Variants in UGT1A7 observed in about 807,000 individuals in gnomAD.
UGT1A7 encodes UDP-glucuronosyltransferase 1A7.
UGT1A7 carries 33 observed loss-of-function variants against 45.6 expected under a neutral mutation model. The ratio of observed to expected loss-of-function variants is 0.72; its 90% CI spans 0.55 to 0.97. The LOEUF (loss-of-function observed/expected upper bound fraction) is 0.97, where lower values mean the gene tolerates loss of function less well. Among genes scored for constraint, UGT1A7 ranks in the 50% least tolerant of loss-of-function variants. The probability of loss-of-function intolerance (pLI) is 0.00; values close to 1 mark genes in which losing one functional copy is unlikely to be tolerated. For synonymous variants in UGT1A7, 274 were observed against 250.6 expected, an observed-to-expected ratio of 1.09 and a Z score of -0.88; for missense variants, 684 against 666.2, an observed-to-expected ratio of 1.03 and a Z score of -0.29.
At chr2:233,683,006 T>C (rs1231336803) in intron 1 of UGT1A7, among the ~76,000 whole-genome samples, 1 of 152,186 alleles carries the variant, frequency 6.6e-6, no homozygotes, top group East Asian at 1.9e-4. Flanking sequence ...GATATAATTG[T>C]AGATCATATC....
intron 1 of UGT1A7, among the ~76,000 whole-genome samples, chr2:233,711,887 T>C (rs28898595): frequency 0.1 from 15,538 of 152,074 alleles, 910 homozygotes; most frequent in East Asian, 0.2. Flanking sequence ...GCAGGACGAG[T>C]CTCATGGGCG....
chr2:233,772,688 G>A lies in UGT1A7; in HGVS notation c.*129G>A, dbSNP rs1369161059. The A allele has an allele frequency of 1.3e-6, 2 of 1,494,182 alleles. No individual in the cohort carries two copies. Among genetic ancestry groups the A allele is most frequent in the Non-Finnish European group, 1.8e-6 (2 of 1,128,718 alleles). 92.6% of individuals were successfully genotyped at this position (1,494,182 alleles called of 1,614,324 possible). A position where few individuals can be genotyped will look rare whatever the true frequency, so the allele number is the denominator to read the frequency against. Reference sequence around the variant, plus strand: ...ACTTTGCATAAATTAATCAGCCCCAGAGTGCTTTAAAAAATTCTCTTAAAT... The same window carrying A: ...ACTTTGCATAAATTAATCAGCCCCAAAGTGCTTTAAAAAATTCTCTTAAAT... On this transcript the variant is annotated 3_prime_UTR_variant, in exon 5 of 5. Transcript: ENST00000373426.
chr2:233,732,909 C>T (rs2078335014), intron 1 of UGT1A7, among the ~76,000 whole-genome samples: 1 of 152,070 alleles, frequency 6.6e-6, no homozygotes, highest in African/African-American at 2.4e-5. Context: ...GCAGTATGGC[C>T]ATTTTCACGA....
In UGT1A7 at chr2:233,682,219, C is replaced by T. The variant is rs150285310; in HGVS notation, c.282C>T (p.Ala94=). The T allele has an allele frequency of 2.9e-5, 47 of 1,614,142 alleles. No individual in the cohort carries two copies. Among genetic ancestry groups the T allele is most frequent in the African/African-American group, 2.4e-4 (18 of 75,036 alleles). ...AGGACCGGGAGTTCATGGTTTTTGCCGATGCTCGCTGGACGGCACCATTGC... is the reference window on the plus strand; with the variant it reads ...AGGACCGGGAGTTCATGGTTTTTGCTGATGCTCGCTGGACGGCACCATTGC... ...EDQDREFMVF[A]DARWTAPLRS... is the part of the protein sequence containing the mutation. Residue 94 remains alanine, a synonymous_variant, in exon 1 of 5, where the codon GCC becomes GCT. Transcript: ENST00000373426.
chr2:233,703,336 C>G (rs766633275), intron 1 of UGT1A7, among the ~76,000 whole-genome samples: 3 of 151,932 alleles, frequency 2.0e-5, no homozygotes, highest in Non-Finnish European at 4.4e-5. Context: ...AGTCTTCTCT[C>G]TTTTTTCTTT....
At chr2:233,693,871 T>G in intron 1 of UGT1A7, 1 of 1,614,106 alleles carries the variant, frequency 6.2e-7, no homozygotes, top group Non-Finnish European at 8.5e-7. Flanking sequence ...CTCAGGTTGG[T>G]GGGTTTATTT....
chr2:233,761,024 A>T, intron 1 of UGT1A7: 1 of 1,614,070 alleles, frequency 6.2e-7, no homozygotes, highest in Non-Finnish European at 8.5e-7. Context: ...ACTGTCCAGG[A>T]CCTATTGAGC....
intron 1 of UGT1A7, among the ~76,000 whole-genome samples, chr2:233,737,698 T>C (rs1168746375): frequency 6.6e-6 from 1 of 152,140 alleles, no homozygotes; most frequent in Non-Finnish European, 1.5e-5. Flanking sequence ...TGCTGAAGCT[T>C]CCGTTCTCCT....
intron 1 of UGT1A7, among the ~76,000 whole-genome samples, chr2:233,699,339 T>TA (rs1207197999): frequency 6.6e-6 from 1 of 152,220 alleles, no homozygotes; most frequent in African/African-American, 2.4e-5. Flanking sequence ...TCATCCACCC[T>TA]AGGGCTAACC....
intron 1 of UGT1A7, chr2:233,729,105 G>A (rs779665217): frequency 1.9e-6 from 3 of 1,612,662 alleles, no homozygotes; most frequent in East Asian, 4.5e-5. Context: ...TGGACAGTCA[G>A]CTGTCCGTGT....
chr2:233,747,956 T>G, intron 1 of UGT1A7: 1 of 1,613,440 alleles, frequency 6.2e-7, no homozygotes, highest in African/African-American at 1.3e-5. Flanking sequence ...TGGTGGATCT[T>G]CTCAGCCATG....
At chr2:233,727,866 T>A (rs1246200452) in intron 1 of UGT1A7, among the ~76,000 whole-genome samples, 1 of 152,128 alleles carries the variant, frequency 6.6e-6, no homozygotes, top group Non-Finnish European at 1.5e-5. Flanking sequence ...AAGGGAAGCC[T>A]CAGCCTCACC....
At chr2:233,746,697 A>G (rs1693455555) in intron 1 of UGT1A7, among the ~76,000 whole-genome samples, 1 of 151,702 alleles carries the variant, frequency 6.6e-6, no homozygotes, top group African/African-American at 2.4e-5. Context: ...CATTCCATAA[A>G]TATTTGGTGG....
intron 1 of UGT1A7, among the ~76,000 whole-genome samples, chr2:233,711,822 A>G (rs2076198725): frequency 6.6e-6 from 1 of 152,234 alleles, no homozygotes; most frequent in Admixed American, 6.5e-5. Context: ...TGGGGCGACC[A>G]GGACAAGGAG....
At position 233,731,426 on chromosome 2, in the gene UGT1A7, C is replaced by A. The variant is rs575531992; in HGVS notation, c.856-35608C>A. Among the ~76,000 whole-genome samples, 3 of 152,128 alleles carry A rather than the reference C, an allele frequency of 2.0e-5. No homozygotes were observed. The South Asian group carries it at 6.2e-4, about 32-fold the overall frequency. On this transcript the variant is annotated intron_variant, in intron 1 of 4. Coordinates refer to ENST00000373426, the MANE Select transcript of UGT1A7 (RefSeq NM_019077.3). ...CATTAGGTATTTTTCCTAATGCCATCCCTCCCCCAGTCCCCCACCCCACAA... is the reference window on the plus strand; with the variant it reads ...CATTAGGTATTTTTCCTAATGCCATACCTCCCCCAGTCCCCCACCCCACAA...
At chr2:233,713,542 G>A (rs2076328478) in intron 1 of UGT1A7, 3 of 1,613,882 alleles carry the variant, frequency 1.9e-6, no homozygotes, top group African/African-American at 2.7e-5. Flanking sequence ...GACTTTAAGG[G>A]CACACAGTGT....
intron 4 of UGT1A7, chr2:233,771,145 C>T (rs1356050343): frequency 6.6e-6 from 1 of 152,246 alleles, no homozygotes; most frequent in Non-Finnish European, 1.5e-5. Context: ...AAACACCTCC[C>T]ACCAGGCCCC....
intron 1 of UGT1A7, among the ~76,000 whole-genome samples, chr2:233,766,527 C>T (rs182363342): frequency 4.6e-5 from 7 of 152,118 alleles, no homozygotes; most frequent in Non-Finnish European, 7.3e-5. Context: ...AACATTTAGG[C>T]AGGAAAACAA....
intron 1 of UGT1A7, chr2:233,693,935 C>T (rs2075189717): frequency 6.2e-7 from 1 of 1,605,500 alleles, no homozygotes; most frequent in Non-Finnish European, 8.5e-7. Flanking sequence ...TCATTTGGCT[C>T]CTTGAGCCGA....
Sources: gnomAD v4.1 joint callset for allele counts (sites outside exome capture counted in the v4.1 genomes callset) on GRCh38, gnomAD v4.1.1 for gene constraint, MANE v1.5 for transcripts, NCBI Gene and HGNC (gene_info 2026-07-23, HGNC 2026-07-21) for gene names.